Variants in RNF150 observed in about 807,000 individuals in gnomAD.
RNF150 encodes ring finger protein 150.
Under a neutral mutation model 39.3 loss-of-function variants are expected in RNF150, and 24 were observed. That is an observed-to-expected ratio of 0.61 (90% CI 0.44 to 0.86). RNF150 has a LOEUF of 0.86. RNF150 is among the 40% of genes least tolerant of loss of function. RNF150 has a pLI of 0.00. For synonymous variants in RNF150, 255 were observed against 227.3 expected, an observed-to-expected ratio of 1.12 and a Z score of -1.10; for missense variants, 502 against 587.8, an observed-to-expected ratio of 0.85 and a Z score of 1.51.
chr4:140,910,433 A>G (rs983404700), intron 6 of RNF150, among the ~76,000 whole-genome samples: 2 of 152,178 alleles, frequency 1.3e-5, no homozygotes, highest in African/African-American at 4.8e-5. Flanking sequence ...TTTTACTTCT[A>G]TCTTGATGCT....
At chr4:141,000,039 A>T in intron 1 of RNF150, among the ~76,000 whole-genome samples, 1 of 62,400 alleles carries the variant, frequency 1.6e-5, no homozygotes, top group African/African-American at 4.1e-5. Flanking sequence ...GAAGAAGAAG[A>T]AGAAGAAGAA....
intron 6 of RNF150, among the ~76,000 whole-genome samples, chr4:140,895,341 A>G (rs1238113529): frequency 1.3e-5 from 2 of 152,228 alleles, no homozygotes; most frequent in Non-Finnish European, 2.9e-5. Flanking sequence ...CCCTGGAAGT[A>G]GAAAATGGGC....
At chr4:141,118,265 C>T (rs969878970) in intron 1 of RNF150, among the ~76,000 whole-genome samples, 2 of 152,158 alleles carry the variant, frequency 1.3e-5, no homozygotes, top group African/African-American at 2.4e-5. Flanking sequence ...GTCATACCCA[C>T]CTGCATTTGA....
intron 1 of RNF150, among the ~76,000 whole-genome samples, chr4:141,187,880 T>A (rs1214140819): frequency 6.6e-6 from 1 of 152,258 alleles, no homozygotes; most frequent in Admixed American, 6.5e-5. Flanking sequence ...GTGAATGTGA[T>A]CCTGTCTCAT....
chr4:141,060,627 A>T (rs1253886090), intron 1 of RNF150, among the ~76,000 whole-genome samples: 1 of 152,198 alleles, frequency 6.6e-6, no homozygotes, highest in African/African-American at 2.4e-5. Flanking sequence ...TTACATTTGT[A>T]TTATCTACCA....
chr4:141,006,762 A>G (rs55817741), intron 1 of RNF150, among the ~76,000 whole-genome samples: 11,045 of 152,270 alleles, frequency 0.073, 451 homozygotes, highest in Middle Eastern at 0.16. Context: ...TTGGATATTA[A>G]CAGATCTCTT....
chr4:141,002,447 C>A (rs1734700344), intron 1 of RNF150, among the ~76,000 whole-genome samples: 1 of 152,132 alleles, frequency 6.6e-6, no homozygotes, highest in Non-Finnish European at 1.5e-5. Context: ...CTTTGCCACA[C>A]TGAACGATTA....
intron 1 of RNF150, among the ~76,000 whole-genome samples, chr4:141,039,477 G>A (rs1173038798): frequency 1.3e-5 from 2 of 152,028 alleles, no homozygotes; most frequent in Non-Finnish European, 2.9e-5. Flanking sequence ...GGCACAGGGA[G>A]TGCATAGATT....
At chr4:141,109,784 AAGATCATGAT>A (rs2111057288) in intron 1 of RNF150, among the ~76,000 whole-genome samples, 1 of 152,282 alleles carries the variant, frequency 6.6e-6, no homozygotes, top group African/African-American at 2.4e-5. Flanking sequence ...ACACCTATTT[AAGATCATGAT>A]AGCAATTAAG....
intron 1 of RNF150, among the ~76,000 whole-genome samples, chr4:141,020,471 G>T (rs1252038766): frequency 7.2e-5 from 11 of 152,156 alleles, no homozygotes; most frequent in Admixed American, 3.3e-4. Context: ...TGTCCACAGA[G>T]CTGGTTCTGT....
intron 1 of RNF150, among the ~76,000 whole-genome samples, chr4:140,990,147 C>T (rs986143420): frequency 6.6e-6 from 1 of 152,184 alleles, no homozygotes; most frequent in Non-Finnish European, 1.5e-5. Flanking sequence ...CATTCTGCAA[C>T]ACCCAGGAGT....
chr4:141,100,008 C>A (rs1333126113), intron 1 of RNF150, among the ~76,000 whole-genome samples: 2 of 152,054 alleles, frequency 1.3e-5, no homozygotes, highest in Non-Finnish European at 2.9e-5. Context: ...AAAGAGACAT[C>A]GCAAAAGATC....
chr4:141,087,768 T>C lies in RNF150; in HGVS notation c.484+44557A>G, dbSNP rs182518020. Among the ~76,000 whole-genome samples the C allele has an allele frequency of 2.3e-3, 353 of 152,364 alleles. 1 individual carries two copies. Among genetic ancestry groups the C allele is most frequent in the South Asian group, 7.0e-3 (34 of 4,828 alleles). On this transcript the variant is annotated intron_variant, in intron 1 of 6. Coordinates refer to ENST00000515673, the MANE Select transcript of RNF150 (RefSeq NM_020724.2). Reference sequence around the variant, plus strand: ...GAAAAAATTCCTCACCCAACATAAGTTGGACTGGAAGAATGTGTCTGTAAT... The same window carrying C: ...GAAAAAATTCCTCACCCAACATAAGCTGGACTGGAAGAATGTGTCTGTAAT...
At chr4:141,027,926 GTTTTTTTTT>G (rs61543533) in intron 1 of RNF150, among the ~76,000 whole-genome samples, 8 of 69,126 alleles carry the variant, frequency 1.2e-4, no homozygotes, top group Admixed American at 2.2e-4. Flanking sequence ...TTTTTTTTTT[GTTTTTTTTT>G]TTTTTTTTTT....
intron 1 of RNF150, among the ~76,000 whole-genome samples, chr4:141,203,671 G>A (rs1354207964): frequency 6.6e-6 from 1 of 151,804 alleles, no homozygotes; most frequent in African/African-American, 2.4e-5. Flanking sequence ...CAACCTTCAA[G>A]GAAGTTGTTT....
At chr4:141,009,458 G>A (rs1441343984) in intron 1 of RNF150, among the ~76,000 whole-genome samples, 1 of 152,150 alleles carries the variant, frequency 6.6e-6, no homozygotes, top group Non-Finnish European at 1.5e-5. Flanking sequence ...TGATTAGTGT[G>A]TGTTGTCTCC....
chr4:140,940,429 A>C (rs1732037154), intron 4 of RNF150, among the ~76,000 whole-genome samples: 1 of 152,152 alleles, frequency 6.6e-6, no homozygotes, highest in Non-Finnish European at 1.5e-5. Context: ...TGAAGTGTCC[A>C]AAAATAGTTA....
intron 3 of RNF150, 124 bp from the exon 4 acceptor site, chr4:140,947,860 T>C: frequency 3.4e-6 from 2 of 586,328 alleles, no homozygotes; most frequent in South Asian, 2.5e-5. Context: ...TGCCAGTTTT[T>C]AAATCAAATG....
At chr4:140,894,095 T>C (rs186456974) in intron 6 of RNF150, among the ~76,000 whole-genome samples, 81 of 152,312 alleles carry the variant, frequency 5.3e-4, no homozygotes, top group Non-Finnish European at 9.7e-4. Context: ...ACAAAGCTTT[T>C]AGTAGATCTG....
Sources: allele counts gnomAD v4.1 joint callset (sites outside exome capture counted in the v4.1 genomes callset), GRCh38; gene constraint gnomAD v4.1.1; transcripts MANE v1.5; gene names NCBI Gene and HGNC (gene_info 2026-07-23, HGNC 2026-07-21).